The following FAM200B variants were observed in gnomAD, a reference collection of about 807,000 sequenced individuals.
FAM200B encodes the protein zinc finger BED-type containing 11, also known as protein FAM200B.
In FAM200B, 32 loss-of-function variants were observed where a neutral mutation model predicts 33.1. The observed-to-expected ratio is 0.97, with a 90% CI of 0.73 to 1.30. The LOEUF (loss-of-function observed/expected upper bound fraction) is 1.30, where lower values mean the gene tolerates loss of function less well. FAM200B is among the 50% of genes most tolerant of loss of function. The pLI, the probability that FAM200B is intolerant of heterozygous loss-of-function variation, is 0.00. For missense variants in FAM200B, 741 were observed against 754.0 expected (o/e 0.98, Z 0.20); for synonymous variants, 240 against 264.8 (o/e 0.91, Z 0.91).
At chr4:15,642,808 T>C in the FAM200B span, among the ~76,000 whole-genome samples, 1 of 152,226 alleles carries the variant, frequency 6.6e-6, no homozygotes, top group Admixed American at 6.5e-5. Context: ...CCCATCTGGA[T>C]TACACAAGCA....
In FAM200B at chr4:15,689,281, T is replaced by G. The variant is rs1420731034; in HGVS notation, c.*330T>G. 1 of 183,160 alleles carries G rather than the reference T, an allele frequency of 5.5e-6. No individual in the cohort carries two copies. Among genetic ancestry groups the G allele is most frequent in the African/African-American group, 2.4e-5 (1 of 41,890 alleles). The allele number at this position is 183,160 out of a possible 1,614,324, so 11.3% of individuals were successfully genotyped here. On this transcript the variant is annotated 3_prime_UTR_variant, in exon 2 of 2. Transcript: ENST00000422728. ...AAGCTATTAAGTGCTATGGAAAGAG[T>G]AGTAAGAAGGAAGGTCAGGGAAGTA...
chr4:15,673,044 A>G, the FAM200B span, among the ~76,000 whole-genome samples: 4 of 152,206 alleles, frequency 2.6e-5, no homozygotes, highest in Non-Finnish European at 5.9e-5. Context: ...CAAAGCTGTC[A>G]TCTATGATAA....
chr4:15,668,718 A>G, the FAM200B span, among the ~76,000 whole-genome samples: 3 of 152,186 alleles, frequency 2.0e-5, no homozygotes, highest in Non-Finnish European at 2.9e-5. Context: ...TGACAAAGGA[A>G]AAAAATACAT....
the FAM200B span, among the ~76,000 whole-genome samples, chr4:15,653,752 T>C: frequency 6.6e-6 from 1 of 152,196 alleles, no homozygotes; most frequent in Non-Finnish European, 1.5e-5. Context: ...TTCAGGGATA[T>C]ACCCTCTTGC....
chr4:15,687,302 ACT>A lies in FAM200B; in HGVS notation c.327_328del (p.Gln110AlafsTer3), dbSNP rs1323185508. Reference sequence around the variant, plus strand: ...TTCGAAATTAAAAAGGCACTTAGAAACTCAGCATGCTGAACTTATTGATAAGC... The same window carrying A: ...TTCGAAATTAAAAAGGCACTTAGAAACAGCATGCTGAACTTATTGATAAGC... ...KPSKLKRHLETQHAELIDKPL... is the reference protein window; with the variant it reads ...KPSKLKRHLEXQHAELIDKPL... On this transcript the variant is annotated frameshift_variant, in exon 2 of 2. Transcript: ENST00000422728. LOFTEE classifies it high-confidence loss of function. 33 of 1,546,458 alleles carry A rather than the reference ACT, an allele frequency of 2.1e-5. 1 individual carries two copies. The Middle Eastern group carries it at 8.4e-4, about 39-fold the overall frequency.
At chr4:15,667,805 G>A in the FAM200B span, among the ~76,000 whole-genome samples, 1 of 152,164 alleles carries the variant, frequency 6.6e-6, no homozygotes, top group Admixed American at 6.5e-5. Flanking sequence ...ACTTTGGGAT[G>A]CCAATGTGGG....
chr4:15,653,194 T>G, the FAM200B span, among the ~76,000 whole-genome samples: 9 of 152,226 alleles, frequency 5.9e-5, no homozygotes. Context: ...TCTCATTAAC[T>G]ATATCTAATT....
At position 15,686,996 on chromosome 4, in the gene FAM200B, AAAAG is replaced by A; in HGVS notation, c.25_28del (p.Lys9GlyfsTer5). On this transcript the variant is annotated frameshift_variant, in exon 2 of 2. Transcript: ENST00000422728. LOFTEE classifies it high-confidence loss of function. The stretch of plus-strand genomic sequence containing the variant: ...TATTAAAATGGATCATTTCTTTATT[AAAAG>A]AAAGAGGAATAGTGAAGTGAAATAT... 1.4e-6 allele frequency: 2 copies of A among 1,396,962 alleles called. No individual in the cohort carries two copies. Among genetic ancestry groups the A allele is most frequent in the Non-Finnish European group, 9.5e-7 (1 of 1,053,600 alleles). 86.5% of individuals were successfully genotyped at this position (1,396,962 alleles called of 1,614,324 possible).
Position 15,687,639 on chromosome 4 carries a change from C to T in FAM200B, c.662C>T (p.Ser221Phe). Residue 221 changes from serine (S) to phenylalanine (F), a missense_variant, in exon 2 of 2, where the codon TCT (serine) becomes TTT (phenylalanine). Transcript: ENST00000422728. ...ACAATGCTTATTACTCGTTTACAGT[C>T]TGGTATAGATTTTGCAATCCAGCTT... is the stretch of plus-strand genomic sequence containing the variant. ...LETMLITRLQ[S>F]GIDFAIQLDE... 1 of 1,551,072 alleles carries T rather than the reference C, an allele frequency of 6.4e-7. No individual in the cohort carries two copies.
chr4:15,654,393 A>G, the FAM200B span, among the ~76,000 whole-genome samples: 2 of 152,196 alleles, frequency 1.3e-5, no homozygotes, highest in African/African-American at 4.8e-5. Context: ...CATCTCCACA[A>G]AAGTGCCTCT....
At chr4:15,643,961 C>A in the FAM200B span, among the ~76,000 whole-genome samples, 19 of 152,190 alleles carry the variant, frequency 1.2e-4, no homozygotes, top group Non-Finnish European at 1.5e-5. Context: ...AAGACTCTCA[C>A]CAAACCTGAG....
At chr4:15,647,336 A>G in the FAM200B span, among the ~76,000 whole-genome samples, 1 of 152,062 alleles carries the variant, frequency 6.6e-6, no homozygotes, top group African/African-American at 2.4e-5. Flanking sequence ...ATTATGTATT[A>G]TAAGTAATCT....
At chr4:15,678,850 C>T (rs973871859), upstream of FAM200B, among the ~76,000 whole-genome samples, 4 of 152,082 alleles carry the variant, frequency 2.6e-5, no homozygotes, top group Admixed American at 6.6e-5. Flanking sequence ...TAATAAACTG[C>T]TGCAAATTCT....
At chr4:15,661,621 C>T in the FAM200B span, among the ~76,000 whole-genome samples, 1 of 152,164 alleles carries the variant, frequency 6.6e-6, no homozygotes, top group Non-Finnish European at 1.5e-5. Context: ...GTGCCTTAAG[C>T]AAGATGGGGT....
At chr4:15,661,972 T>TA in the FAM200B span, among the ~76,000 whole-genome samples, 1 of 152,252 alleles carries the variant, frequency 6.6e-6, no homozygotes. Context: ...TCTATGGAGT[T>TA]ACTTATAATA....
chr4:15,640,551 A>G, the FAM200B span, among the ~76,000 whole-genome samples: 4 of 152,052 alleles, frequency 2.6e-5, no homozygotes, highest in African/African-American at 7.2e-5. Flanking sequence ...AAGAAAATTA[A>G]TATTTCCTGA....
the FAM200B span, among the ~76,000 whole-genome samples, chr4:15,651,678 A>C: frequency 6.6e-6 from 1 of 152,238 alleles, no homozygotes; most frequent in African/African-American, 2.4e-5. Context: ...CCCACTTAAG[A>C]GTTTTGGGTC....
the FAM200B span, chr4:15,644,376 C>T: frequency 1.5e-5 from 12 of 815,860 alleles, no homozygotes; most frequent in African/African-American, 1.9e-4. Context: ...TAACAAGTGA[C>T]AAAATAATTT....
chr4:15,652,823 A>G, the FAM200B span, among the ~76,000 whole-genome samples: 2 of 152,270 alleles, frequency 1.3e-5, no homozygotes, highest in South Asian at 4.1e-4. Flanking sequence ...TGAAATAACT[A>G]TTTTGTACCT....
Sources: gnomAD v4.1 joint callset for allele counts (sites outside exome capture counted in the v4.1 genomes callset) on GRCh38, gnomAD v4.1.1 for gene constraint, MANE v1.5 for transcripts, NCBI Gene and HGNC (gene_info 2026-07-23, HGNC 2026-07-21) for gene names.